The following CSF2RB variants were observed in gnomAD, a reference collection of about 807,000 sequenced individuals.
The protein encoded by CSF2RB is colony stimulating factor 2 receptor subunit beta, also known as cytokine receptor common subunit beta.
CSF2RB carries 22 observed loss-of-function variants against 67.2 expected under a neutral mutation model. That is an observed-to-expected ratio of 0.33 (90% CI 0.23 to 0.47). CSF2RB has a LOEUF of 0.47. Ranked by LOEUF, CSF2RB falls within the 20% of genes least tolerant of loss-of-function variation. CSF2RB has a pLI of 1.00. For synonymous variants in CSF2RB, 507 were observed against 482.9 expected (o/e 1.05, Z -0.65); for missense variants, 1,113 against 1,174.5 (o/e 0.95, Z 0.76).
At chr22:36,935,161 G>A (rs555793510) in intron 10 of CSF2RB, among the ~76,000 whole-genome samples, 190 bp from the exon 11 acceptor site, 1 of 152,184 alleles carries the variant, frequency 6.6e-6, no homozygotes, top group South Asian at 2.1e-4. Context: ...ACACTGTGGG[G>A]GTTCAGACCA....
rs1005163065 is a variant in CSF2RB at position 36,935,518 on chromosome 22, A to G, written c.1406+77A>G. The G allele has an allele frequency of 9.8e-5, 157 of 1,603,618 alleles. 1 individual carries two copies. In the East Asian group the frequency reaches 3.2e-3, roughly 32 times the overall value. On this transcript the variant is annotated intron_variant, in intron 11 of 13. Transcript: ENST00000403662. ...TGGGGAATCCCACCCAGCTCCCTCC[A>G]GGCCCTGCTCTGCCGCTCCCTTCCT...
At chr22:36,922,511 A>C in intron 2 of CSF2RB, 3 of 598,702 alleles carry the variant, frequency 5.0e-6, no homozygotes, top group Non-Finnish European at 3.0e-6. Flanking sequence ...TTCCTTGCCC[A>C]CATTTCTCAG....
In CSF2RB at chr22:36,938,948, C is replaced by T; in HGVS notation, c.*446C>T. The T allele has an allele frequency of 1.7e-6, 1 of 599,106 alleles. No individual in the cohort carries two copies. Among genetic ancestry groups the T allele is most frequent in the Non-Finnish European group, 3.0e-6 (1 of 335,180 alleles). The allele number at this position is 599,106 out of a possible 1,614,324, so 37.1% of individuals were successfully genotyped here. A position where few individuals can be genotyped will look rare whatever the true frequency, so the allele number is the denominator to read the frequency against. ...TGAGGACTTGTGTGGGCTGCCTGTC[C>T]CCGGCAGTCGCTGATGCACATGACA... is the stretch of plus-strand genomic sequence containing the variant. On this transcript the variant is annotated 3_prime_UTR_variant, in exon 14 of 14. Coordinates refer to ENST00000403662, the MANE Select transcript of CSF2RB (RefSeq NM_000395.3).
chr22:36,922,788 C>T (rs1940908783), intron 2 of CSF2RB: 1 of 289,632 alleles, frequency 3.5e-6, no homozygotes, highest in South Asian at 3.6e-5. Context: ...AATGCTGGGA[C>T]CACAGTCCCC....
intron 2 of CSF2RB, among the ~76,000 whole-genome samples, chr22:36,923,027 C>A (rs1160477225): frequency 6.6e-6 from 1 of 152,146 alleles, no homozygotes; most frequent in Non-Finnish European, 1.5e-5. Context: ...TGCTGAGAAC[C>A]AACAGAATGT....
At chr22:36,927,743 C>G (rs1252166947) in intron 4 of CSF2RB, among the ~76,000 whole-genome samples, 5 of 152,132 alleles carry the variant, frequency 3.3e-5, no homozygotes, top group African/African-American at 1.2e-4. Context: ...ATGCTGGGGA[C>G]AGGGGACTTA....
rs749940662 is a variant in CSF2RB, at chr22:36,935,397, C to A, written c.1362C>A (p.Ile454=). 13 of 1,614,092 alleles carry A rather than the reference C, an allele frequency of 8.1e-6. No individual in the cohort carries two copies. The African/African-American group carries it at 1.5e-4, about 18-fold the overall frequency. The change falls in exon 11 of 14, where the codon ATC becomes ATA. Residue 454 remains isoleucine (I), a synonymous_variant. Transcript: ENST00000403662. The part of the protein sequence containing the change: ...VLALIVIFLT[I]AVLLALRFCG... ...CCCTCATCGTGATCTTCCTCACCATCGCTGTGCTCCTGGCCCTCCGCTTCT... is the reference window on the plus strand; with the variant it reads ...CCCTCATCGTGATCTTCCTCACCATAGCTGTGCTCCTGGCCCTCCGCTTCT...
chr22:36,920,287 T>C (rs1175727870), intron 1 of CSF2RB, among the ~76,000 whole-genome samples: 1 of 152,272 alleles, frequency 6.6e-6, no homozygotes, highest in Non-Finnish European at 1.5e-5. Flanking sequence ...CTGTCCTCCA[T>C]AATTCTGGTT....
Position 36,930,129 on chromosome 22 carries a change from A to G in CSF2RB, c.719-246A>G, listed in dbSNP as rs539089311. ...GGGCTTACCCACATTTTTCAGTTCA[A>G]TCCCCAAACACTGAAACTTAGATAC... is the stretch of plus-strand genomic sequence containing the variant. On this transcript the variant is annotated intron_variant, in intron 6 of 13. Transcript: ENST00000403662. Among the ~76,000 whole-genome samples, 4 of 152,208 alleles carry G rather than the reference A, an allele frequency of 2.6e-5. No homozygotes were observed. The East Asian group carries it at 7.7e-4, about 29-fold the overall frequency.
chr22:36,937,245 G>C lies in CSF2RB; in HGVS notation c.1569-132G>C, dbSNP rs1183425561. On this transcript the variant is annotated intron_variant, in intron 13 of 13. Transcript: ENST00000403662. The surrounding 1 kb of genome is among the most constrained non-coding windows in gnomAD (Gnocchi z 4.6). ...TGCTCCCTCAACCCTGTCCCGTTCA[G>C]GTTCTCTCTGTGAGATCTGGGGGAC... 8.7e-7 allele frequency: 1 copy of C among 1,155,694 alleles called. No homozygotes were observed. Among genetic ancestry groups the C allele is most frequent in the Non-Finnish European group, 1.3e-6 (1 of 798,586 alleles). The allele number at this position is 1,155,694 out of a possible 1,614,324, so 71.6% of individuals were successfully genotyped here.
chr22:36,921,602 G>A (rs1362262610), intron 1 of CSF2RB, among the ~76,000 whole-genome samples: 1 of 152,112 alleles, frequency 6.6e-6, no homozygotes, highest in African/African-American at 2.4e-5. Context: ...GGAAACCCCC[G>A]GCCTCCGAGG....
rs754916186 is a variant in CSF2RB at position 36,937,959 on chromosome 22, G to C, written c.2151G>C (p.Leu717=). The C allele has an allele frequency of 6.2e-7, 1 of 1,614,020 alleles. No individual in the cohort carries two copies. The highest frequency in any genetic ancestry group is 1.3e-5 in the African/African-American group (1 of 74,904). The change falls in exon 14 of 14, where the codon CTG becomes CTC. Residue 717 remains leucine (L), a synonymous_variant. Coordinates refer to ENST00000403662, the MANE Select transcript of CSF2RB (RefSeq NM_000395.3). This position sits in a 1 kb window ranked among gnomAD's most constrained non-coding sequence, Gnocchi z 4.6. ...VASGYVSSAD[L]VFTPNSGASS... ...CTGGTTATGTCTCCTCTGCAGACCT[G>C]GTATTCACCCCAAACTCAGGGGCCT...
In CSF2RB at chr22:36,935,739, C is replaced by G. The variant is rs896783206; in HGVS notation, c.1464+52C>G. On this transcript the variant is annotated intron_variant, in intron 12 of 13. Coordinates refer to ENST00000403662, the MANE Select transcript of CSF2RB (RefSeq NM_000395.3). Reference sequence around the variant, plus strand: ...TGGGGGCTTCTCTGTTCCTGCCTCTCTTGTCTCTGTCCCCACCTCCTCCTT... The same window carrying G: ...TGGGGGCTTCTCTGTTCCTGCCTCTGTTGTCTCTGTCCCCACCTCCTCCTT... The G allele has an allele frequency of 1.9e-6, 3 of 1,571,162 alleles. No homozygotes were observed. In the African/African-American group the frequency reaches 4.1e-5, roughly 21 times the overall value.
rs538838689 is a variant in CSF2RB at position 36,940,368 on chromosome 22, G to A, written c.*1866G>A. The A allele has an allele frequency of 1.3e-5, 2 of 152,312 alleles. No individual in the cohort carries two copies. Among genetic ancestry groups the A allele is most frequent in the East Asian group, 1.9e-4 (1 of 5,190 alleles). The allele number at this position is 152,312 out of a possible 1,614,324, so 9.4% of individuals were successfully genotyped here. Reference sequence around the variant, plus strand: ...ACCAATGTGGATTAGAAAGAAGTCCGAGATATTAATTCCAAAATATCCAGA... The same window carrying A: ...ACCAATGTGGATTAGAAAGAAGTCCAAGATATTAATTCCAAAATATCCAGA... On this transcript the variant is annotated 3_prime_UTR_variant, in exon 14 of 14. Transcript: ENST00000403662.
chr22:36,938,329 TC>T lies in CSF2RB; in HGVS notation c.2525del (p.Pro842ArgfsTer10). ...TCTCTCGCTCCGGAGTAAACCTTCT[TC>T]CCCGGGACCCGGTCCTGAGATCAAG... ...GPLSLRSKPS[S>X]PGPGPEIKNL... On this transcript the variant is annotated frameshift_variant, in exon 14 of 14. Transcript: ENST00000403662. LOFTEE classifies it low-confidence loss of function (END_TRUNC). 1 of 1,613,980 alleles carries T rather than the reference TC, an allele frequency of 6.2e-7. No individual in the cohort carries two copies. Among genetic ancestry groups the T allele is most frequent in the Non-Finnish European group, 8.5e-7 (1 of 1,179,982 alleles).
intron 8 of CSF2RB, 134 bp downstream of exon 8, chr22:36,930,964 C>G (rs1013276023): frequency 9.0e-7 from 1 of 1,115,636 alleles, no homozygotes; most frequent in Non-Finnish European, 1.3e-6. Flanking sequence ...AGTCCAGTGA[C>G]CAAAAGTGAA....
At chr22:36,926,656 C>T (rs988217243) in intron 4 of CSF2RB, among the ~76,000 whole-genome samples, 2 of 152,164 alleles carry the variant, frequency 1.3e-5, no homozygotes, top group Non-Finnish European at 2.9e-5. Context: ...CTTGTCTCCT[C>T]GCTGCCCTGG....
At position 36,923,502 on chromosome 22, in the gene CSF2RB, A is replaced by G. The variant is rs1303822653; in HGVS notation, c.200+135A>G. On this transcript the variant is annotated intron_variant, in intron 3 of 13. Coordinates refer to ENST00000403662, the MANE Select transcript of CSF2RB (RefSeq NM_000395.3). ...GTGGACAGAGGACAGAGGAGGAGGG[A>G]GGCCCTGCAAGAGCTCCTGCTCCGC... The G allele has an allele frequency of 3.7e-6, 5 of 1,355,578 alleles. No homozygotes were observed. The East Asian group carries it at 9.9e-5, about 27-fold the overall frequency. The allele number at this position is 1,355,578 out of a possible 1,614,324, so 84.0% of individuals were successfully genotyped here. A position where few individuals can be genotyped will look rare whatever the true frequency, so the allele number is the denominator to read the frequency against.
chr22:36,924,765 T>A (rs1424561485), intron 3 of CSF2RB, among the ~76,000 whole-genome samples: 1 of 152,126 alleles, frequency 6.6e-6, no homozygotes, highest in Admixed American at 6.5e-5. Context: ...CACCGCGGCC[T>A]CCCTGCAGTT....
Sources: allele counts gnomAD v4.1 joint callset (sites outside exome capture counted in the v4.1 genomes callset), GRCh38; gene constraint gnomAD v4.1.1; non-coding constraint Gnocchi (gnomAD v3.1); transcripts MANE v1.5; gene names NCBI Gene and HGNC (gene_info 2026-07-23, HGNC 2026-07-21).